Variants in PFKL observed in about 807,000 individuals in gnomAD.
PFKL encodes the protein ATP-dependent 6-phosphofructokinase, liver type.
Under a neutral mutation model 92.1 loss-of-function variants are expected in PFKL, and 74 were observed. That is an observed-to-expected ratio of 0.80 (90% CI 0.67 to 0.97). PFKL has a LOEUF of 0.97. PFKL is among the 50% of genes least tolerant of loss of function. The pLI, the probability that PFKL is intolerant of heterozygous loss-of-function variation, is 0.00. For missense variants in PFKL, 1,028 were observed against 1,116.6 expected, an observed-to-expected ratio of 0.92 and a Z score of 1.13; for synonymous variants, 494 against 456.4, an observed-to-expected ratio of 1.08 and a Z score of -1.05.
intron 2 of PFKL, 49 bp from the exon 3 acceptor site, chr21:44,310,957 G>A (rs573735217): frequency 3.4e-5 from 49 of 1,431,572 alleles, no homozygotes; most frequent in Non-Finnish European, 4.6e-5. Context: ...ACTTGCTGCC[G>A]GCCGCCATGG....
chr21:44,305,975 C>CT (rs1568942986), intron 1 of PFKL: 2 of 1,330,096 alleles, frequency 1.5e-6, no homozygotes, highest in Admixed American at 4.3e-5. Context: ...CAGTGCTGTT[C>CT]CCTGGGTGGC....
At chr21:44,317,069 G>A (rs1464419387) in intron 9 of PFKL, among the ~76,000 whole-genome samples, 2 of 152,198 alleles carry the variant, frequency 1.3e-5, no homozygotes, top group Non-Finnish European at 2.9e-5. Context: ...TGGCCTCGCC[G>A]TCCTTGGTCC....
In PFKL at chr21:44,327,057, A is replaced by G; in HGVS notation, c.*195A>G. ...GCTGGTGTCTTGAGACCAGCCTGCC[A>G]GGCCCTCCAGCAGGAGGACAGAGTG... On this transcript the variant is annotated 3_prime_UTR_variant, in exon 22 of 22. Coordinates refer to ENST00000349048, the MANE Select transcript of PFKL (RefSeq NM_002626.6). The G allele has an allele frequency of 1.7e-6, 1 of 598,510 alleles. No homozygotes were observed. Among genetic ancestry groups the G allele is most frequent in the Non-Finnish European group, 3.0e-6 (1 of 336,272 alleles). 37.1% of individuals were successfully genotyped at this position (598,510 alleles called of 1,614,324 possible). A position where few individuals can be genotyped will look rare whatever the true frequency, so the allele number is the denominator to read the frequency against.
intron 1 of PFKL, among the ~76,000 whole-genome samples, chr21:44,301,283 C>T (rs1465142921): frequency 1.3e-5 from 2 of 152,132 alleles, no homozygotes; most frequent in African/African-American, 4.8e-5. Context: ...CTGAGCCAGG[C>T]CTGTGGTGGC....
Position 44,306,546 on chromosome 21 carries a change from C to T in PFKL, c.86-135C>T, listed in dbSNP as rs1382644103. On this transcript the variant is annotated intron_variant, in intron 1 of 21. Coordinates refer to ENST00000349048, the MANE Select transcript of PFKL (RefSeq NM_002626.6). Reference sequence around the variant, plus strand: ...CTTGAGATGAGGAGGGTGACCAGGGCCTTCCCCCACCACCCGCCCTCTGAG... The same window carrying T: ...CTTGAGATGAGGAGGGTGACCAGGGTCTTCCCCCACCACCCGCCCTCTGAG... 4 of 716,652 alleles carry T rather than the reference C, an allele frequency of 5.6e-6. No individual in the cohort carries two copies. In the African/African-American group the frequency reaches 7.1e-5, roughly 13 times the overall value. The allele number at this position is 716,652 out of a possible 1,614,324, so 44.4% of individuals were successfully genotyped here.
chr21:44,303,441 A>AAAAACAAAAAGACTTGATCG (rs1568939624), intron 1 of PFKL, among the ~76,000 whole-genome samples: 1 of 97,096 alleles, frequency 1.0e-5, no homozygotes, highest in African/African-American at 5.3e-5. Flanking sequence ...ACCAAAAAAA[A>AAAAACAAAAAGACTTGATCG]AAAAAAAAAA....
At position 44,327,141 on chromosome 21, in the gene PFKL, C is replaced by T. The variant is rs2047537235; in HGVS notation, c.*279C>T. The T allele has an allele frequency of 6.1e-6, 3 of 494,798 alleles. No homozygotes were observed. Among genetic ancestry groups the T allele is most frequent in the Admixed American group, 3.3e-5 (1 of 30,758 alleles). The allele number at this position is 494,798 out of a possible 1,614,324, so 30.7% of individuals were successfully genotyped here. A position where few individuals can be genotyped will look rare whatever the true frequency, so the allele number is the denominator to read the frequency against. ...TGGCGCTGTCGGTGTTTGGAGGCTG[C>T]TGCCCCCTGGCTTTGGCGCCCCATG... On this transcript the variant is annotated 3_prime_UTR_variant, in exon 22 of 22. Transcript: ENST00000349048.
In PFKL at chr21:44,324,725, C is replaced by A. The variant is rs891534695; in HGVS notation, c.1815+70C>A. 4.1e-5 allele frequency: 64 copies of A among 1,556,786 alleles called. 1 individual carries two copies. The Middle Eastern group carries it at 8.5e-4, about 21-fold the overall frequency. ...CAGCCTGGGCCCCAGACACTCAGGC[C>A]GGCCAGCGCAGGGCAGGGCCCGGGC... On this transcript the variant is annotated intron_variant, in intron 17 of 21. Coordinates refer to ENST00000349048, the MANE Select transcript of PFKL (RefSeq NM_002626.6).
In PFKL at chr21:44,305,337, C is replaced by T. The variant is rs1303374153; in HGVS notation, c.86-1344C>T. The T allele has an allele frequency of 2.9e-6, 4 of 1,365,844 alleles. No individual in the cohort carries two copies. The African/African-American group carries it at 5.9e-5, about 20-fold the overall frequency. 84.6% of individuals were successfully genotyped at this position (1,365,844 alleles called of 1,614,324 possible). On this transcript the variant is annotated intron_variant, in intron 1 of 21. Transcript: ENST00000349048. ...AGAGCGGATGAGAAGCATGTGTAAC[C>T]AGGGTAGAGGTCGAGAGTCCTCTCG... is the stretch of plus-strand genomic sequence containing the variant.
chr21:44,319,933 G>C, intron 11 of PFKL, 151 bp from the exon 12 acceptor site: 1 of 671,760 alleles, frequency 1.5e-6, no homozygotes, highest in Admixed American at 2.2e-5. Flanking sequence ...AAGGTGCCCT[G>C]CCTGGCATGC....
Position 44,303,441 on chromosome 21 carries a change from A to AAAAAAAAAACTTGATCG in PFKL, c.86-3231_86-3230insCTTGATCGAAAAAAAAA, listed in dbSNP as rs1555874962. 5.1e-5 allele frequency among the ~76,000 whole-genome samples: 5 copies of AAAAAAAAAACTTGATCG among 97,094 alleles called. 1 individual carries two copies. The highest frequency in any genetic ancestry group is 2.1e-4 in the African/African-American group (4 of 18,932). 63.7% of individuals were successfully genotyped at this position (97,094 alleles called of 152,430 possible). A position where few individuals can be genotyped will look rare whatever the true frequency, so the allele number is the denominator to read the frequency against. Reference sequence around the variant, plus strand: ...AAAAAAACAGACTTGACCAAAAAAAAAAAAAAAAAAAAAATGGCCCGGCCT... The same window carrying AAAAAAAAAACTTGATCG: ...AAAAAAACAGACTTGACCAAAAAAAAAAAAAAAAACTTGATCGAAAAAAAAAAAAAATGGCCCGGCCT... On this transcript the variant is annotated intron_variant, in intron 1 of 21. Transcript: ENST00000349048.
chr21:44,310,435 G>A (rs1050848110), intron 2 of PFKL, among the ~76,000 whole-genome samples: 2 of 152,188 alleles, frequency 1.3e-5, no homozygotes, highest in East Asian at 1.9e-4. Flanking sequence ...GAGCTCCCTC[G>A]GGTGGGGGCC....
At chr21:44,323,114 G>C in intron 15 of PFKL, 65 bp downstream of exon 15, 8 of 1,336,930 alleles carry the variant, frequency 6.0e-6, no homozygotes, top group Non-Finnish European at 8.6e-6. Context: ...CTCCCGCCGA[G>C]GGGGCCCATC....
chr21:44,316,089 C>CT, intron 7 of PFKL, 155 bp from the exon 8 acceptor site: 1 of 685,734 alleles, frequency 1.5e-6, no homozygotes, highest in East Asian at 2.7e-5. Context: ...TGCCCTCGCG[C>CT]TCCAGGCCTG....
chr21:44,307,903 C>T (rs1038815577), intron 2 of PFKL, among the ~76,000 whole-genome samples: 1 of 152,208 alleles, frequency 6.6e-6, no homozygotes, highest in Non-Finnish European at 1.5e-5. Flanking sequence ...GGAACCCCCA[C>T]ACATTTGTGG....
At chr21:44,320,248 C>A (rs1222066923) in intron 12 of PFKL, 101 bp downstream of exon 12, 5 of 1,010,446 alleles carry the variant, frequency 4.9e-6, no homozygotes, top group Non-Finnish European at 7.5e-6. Context: ...CCCCACCTTC[C>A]CTCCTGCTGG....
chr21:44,310,833 C>T (rs936923174), intron 2 of PFKL, among the ~76,000 whole-genome samples, 173 bp from the exon 3 acceptor site: 4 of 152,066 alleles, frequency 2.6e-5, no homozygotes, highest in Non-Finnish European at 4.4e-5. Flanking sequence ...TGTCTGGAGC[C>T]CCCTAGGGGG....
In PFKL at chr21:44,323,796, G is replaced by T; in HGVS notation, c.1528G>T (p.Ala510Ser). The change falls in exon 16 of 22, where the codon GCT becomes TCT. Residue 510 changes from alanine to serine, a missense_variant. Coordinates refer to ENST00000349048, the MANE Select transcript of PFKL (RefSeq NM_002626.6). ...TGAAGGGGTGCTGCAGCTGGTGGAG[G>T]CTCGCGGGCGCTACGAGGAGCTCTG... ...AYEGVLQLVE[A>S]RGRYEELCIV... 6.2e-7 allele frequency: 1 copy of T among 1,612,316 alleles called. No individual in the cohort carries two copies.
chr21:44,307,969 G>T (rs2041001005), intron 2 of PFKL, among the ~76,000 whole-genome samples: 1 of 152,254 alleles, frequency 6.6e-6, no homozygotes, highest in Non-Finnish European at 1.5e-5. Flanking sequence ...TGCAGGGCGT[G>T]TCCTGGAAAA....
Sources: allele counts gnomAD v4.1 joint callset (sites outside exome capture counted in the v4.1 genomes callset), GRCh38; gene constraint gnomAD v4.1.1; transcripts MANE v1.5; gene names NCBI Gene and HGNC (gene_info 2026-07-23, HGNC 2026-07-21).